SHANK2: variants seen among roughly 807,000 people sequenced by gnomAD.
SHANK2 encodes the protein SH3 and multiple ankyrin repeat domains protein 2.
A neutral mutation model predicts 133.7 loss-of-function variants in SHANK2; 43 were observed. That is an observed-to-expected ratio of 0.32 (90% confidence interval 0.25 to 0.41). The LOEUF (loss-of-function observed/expected upper bound fraction) is 0.41. SHANK2 is among the 10% of genes least tolerant of loss of function. The pLI is 1.00. For synonymous variants in SHANK2, 1,017 were observed against 952.8 expected (o/e 1.07, Z -1.24); for missense variants, 1,994 against 2,235.8 (o/e 0.89, Z 2.18).
rs202008040 is a variant in SHANK2, at chr11:70,761,791, T to C, written c.1777+36652A>G. On this transcript the variant is annotated intron_variant, in intron 14 of 25. Transcript: ENST00000601538. ...CGTTGAGTGGCAAGATCTTCACGAG[T>C]GGCCCTTGACCTCAGCCATCCTTGT... Among the ~76,000 whole-genome samples, 17 of 152,310 alleles carry C rather than the reference T, an allele frequency of 1.1e-4. No individual in the cohort carries two copies. In the East Asian group the frequency reaches 3.3e-3, roughly 29 times the overall value.
intron 15 of SHANK2, among the ~76,000 whole-genome samples, chr11:70,691,055 T>C (rs1345310231): frequency 6.6e-6 from 1 of 152,210 alleles, no homozygotes; most frequent in Non-Finnish European, 1.5e-5. Context: ...CTCTTGGCCC[T>C]ATCTCTGTAG....
At chr11:70,559,544 A>G (rs2059880081) in intron 17 of SHANK2, among the ~76,000 whole-genome samples, 2 of 151,924 alleles carry the variant, frequency 1.3e-5, no homozygotes. Flanking sequence ...GTGGCACGGC[A>G]CTCCTCACAC....
At chr11:70,688,013 G>A (rs1945193755) in intron 15 of SHANK2, among the ~76,000 whole-genome samples, 1 of 152,166 alleles carries the variant, frequency 6.6e-6, no homozygotes, top group South Asian at 2.1e-4. Flanking sequence ...CCCAAAGCAG[G>A]GGACTTGGGT....
chr11:71,248,315 G>C (rs1954989758), intron 1 of SHANK2, among the ~76,000 whole-genome samples: 2 of 152,256 alleles, frequency 1.3e-5, no homozygotes, highest in South Asian at 4.1e-4. Context: ...AGTATGATGA[G>C]AAACTGGTTT....
intron 17 of SHANK2, among the ~76,000 whole-genome samples, chr11:70,553,640 A>C (rs2136094174): frequency 6.6e-6 from 1 of 152,246 alleles, no homozygotes; most frequent in South Asian, 2.1e-4. Flanking sequence ...GGAGCCTGGC[A>C]CCCGGGCTCT....
intron 10 of SHANK2, among the ~76,000 whole-genome samples, chr11:70,934,759 C>T (rs545675747): frequency 3.3e-4 from 50 of 152,336 alleles, no homozygotes; most frequent in Admixed American, 1.8e-3. Flanking sequence ...TGACATGCCA[C>T]GTGTGGGTAA....
At chr11:70,488,638 G>A (rs2058845505) in intron 24 of SHANK2, among the ~76,000 whole-genome samples, 1 of 152,242 alleles carries the variant, frequency 6.6e-6, no homozygotes, top group South Asian at 2.1e-4. Flanking sequence ...ATAGGATCCT[G>A]AGCCAGGCCT....
chr11:70,496,908 G>T (rs1555157244), intron 21 of SHANK2: 2 of 455,410 alleles, frequency 4.4e-6, no homozygotes, highest in African/African-American at 4.0e-5. Context: ...ACATCAGAGG[G>T]TGGGGCTGGT....
intron 21 of SHANK2, chr11:70,496,867 T>C: frequency 2.4e-6 from 1 of 421,306 alleles, no homozygotes; most frequent in Non-Finnish European, 4.8e-6. Flanking sequence ...GAGGCGGGGG[T>C]GGGGGCACCC....
chr11:70,890,463 A>C (rs1949821538), intron 11 of SHANK2, among the ~76,000 whole-genome samples: 1 of 150,864 alleles, frequency 6.6e-6, no homozygotes, highest in African/African-American at 2.4e-5. Flanking sequence ...ACATGGTGAA[A>C]CCCTGTCTCT....
intron 14 of SHANK2, among the ~76,000 whole-genome samples, chr11:70,699,273 C>T (rs1301794111): frequency 6.7e-6 from 1 of 149,550 alleles, no homozygotes; most frequent in East Asian, 1.9e-4. Context: ...ACCAAACCCA[C>T]ATGATTAACA....
chr11:70,918,814 A>T (rs1950307099), intron 10 of SHANK2, among the ~76,000 whole-genome samples: 1 of 152,182 alleles, frequency 6.6e-6, no homozygotes, highest in Admixed American at 6.5e-5. Context: ...GCCTTAATTG[A>T]CTTTTTAAGT....
intron 8 of SHANK2, among the ~76,000 whole-genome samples, chr11:71,081,638 T>G (rs1286432939): frequency 1.3e-5 from 2 of 152,162 alleles, no homozygotes; most frequent in Non-Finnish European, 2.9e-5. Context: ...CAGGGCTGAC[T>G]GGGAAGGCAG....
chr11:71,081,686 A>G (rs1590890768), intron 8 of SHANK2, among the ~76,000 whole-genome samples: 4 of 152,108 alleles, frequency 2.6e-5, no homozygotes, highest in African/African-American at 9.7e-5. Context: ...AGGCTCAGAG[A>G]GAGAGGATGC....
intron 14 of SHANK2, among the ~76,000 whole-genome samples, chr11:70,762,133 A>C (rs963021213): frequency 2.0e-5 from 3 of 152,224 alleles, no homozygotes; most frequent in Non-Finnish European, 2.9e-5. Flanking sequence ...GCCAATGCTC[A>C]TCTCATGAAT....
intron 15 of SHANK2, among the ~76,000 whole-genome samples, chr11:70,691,622 T>C (rs1176429709): frequency 6.6e-6 from 1 of 152,244 alleles, no homozygotes; most frequent in East Asian, 1.9e-4. Flanking sequence ...CCAGGTGCGG[T>C]GGCTCACGCC....
intron 2 of SHANK2, among the ~76,000 whole-genome samples, chr11:71,185,954 A>C (rs551465091): frequency 6.6e-6 from 1 of 152,158 alleles, no homozygotes; most frequent in African/African-American, 2.4e-5. Context: ...GCGCATTCCC[A>C]ACAATGGAAA....
intron 11 of SHANK2, chr11:70,865,201 G>A (rs1309543789): frequency 1.3e-5 from 2 of 152,226 alleles, no homozygotes; most frequent in South Asian, 2.1e-4. Flanking sequence ...GGGGTTCAAG[G>A]GGTCCTTATG....
At chr11:70,677,438 C>T (rs1234897823) in intron 15 of SHANK2, among the ~76,000 whole-genome samples, 1 of 152,194 alleles carries the variant, frequency 6.6e-6, no homozygotes, top group East Asian at 1.9e-4. Flanking sequence ...TGAAAATTAG[C>T]CTCGCTCGAA....
Sources: gnomAD v4.1 joint callset for allele counts (sites outside exome capture counted in the v4.1 genomes callset) on GRCh38, gnomAD v4.1.1 for gene constraint, MANE v1.5 for transcripts, NCBI Gene and HGNC (gene_info 2026-07-23, HGNC 2026-07-21) for gene names.